TTC27: variants seen among roughly 807,000 people sequenced by gnomAD.
The protein encoded by TTC27 is tetratricopeptide repeat domain 27, also known as tetratricopeptide repeat protein 27.
A neutral mutation model predicts 115.9 loss-of-function variants in TTC27; 79 were observed. That is an observed-to-expected ratio of 0.68 (90% CI 0.57 to 0.82). The LOEUF is 0.82. TTC27 is among the 40% of genes least tolerant of loss of function. The probability of loss-of-function intolerance (pLI) is 0.00; values close to 1 mark genes in which losing one functional copy is unlikely to be tolerated. For missense variants in TTC27, 1,054 were observed against 993.1 expected, an observed-to-expected ratio of 1.06 and a Z score of -0.82; for synonymous variants, 401 against 356.0, an observed-to-expected ratio of 1.13 and a Z score of -1.42.
intron 8 of TTC27, among the ~76,000 whole-genome samples, chr2:32,672,958 G>T (rs1003761132): frequency 6.6e-6 from 1 of 152,084 alleles, no homozygotes; most frequent in Non-Finnish European, 1.5e-5. Context: ...ATTAATGTTG[G>T]TACTTTGCTA....
intron 12 of TTC27, among the ~76,000 whole-genome samples, chr2:32,751,015 CA>C (rs1355838474): frequency 6.6e-6 from 1 of 152,114 alleles, no homozygotes; most frequent in Non-Finnish European, 1.5e-5. Context: ...CAAGATAGGA[CA>C]AGCATACTTC....
intron 5 of TTC27, among the ~76,000 whole-genome samples, chr2:32,657,850 G>A (rs1472154762): frequency 2.0e-5 from 3 of 151,914 alleles, no homozygotes; most frequent in South Asian, 4.2e-4. Flanking sequence ...TTTTTGAGAT[G>A]GAGTTTCACT....
At chr2:32,692,189 G>A (rs969571392) in intron 9 of TTC27, among the ~76,000 whole-genome samples, 5 of 151,404 alleles carry the variant, frequency 3.3e-5, no homozygotes, top group Non-Finnish European at 7.4e-5. Flanking sequence ...CCATGAAAGC[G>A]GGGATTTTTG....
chr2:32,743,589 C>G (rs936291586), intron 12 of TTC27, among the ~76,000 whole-genome samples: 23 of 152,166 alleles, frequency 1.5e-4, no homozygotes, highest in African/African-American at 3.9e-4. Flanking sequence ...CTGAAATTCT[C>G]AGTTCTCAAC....
intron 13 of TTC27, among the ~76,000 whole-genome samples, chr2:32,763,699 TA>T (rs1558331509): frequency 6.6e-6 from 1 of 152,214 alleles, no homozygotes; most frequent in African/African-American, 2.4e-5. Context: ...CAAAACTAAA[TA>T]CATTGTCTAT....
intron 9 of TTC27, among the ~76,000 whole-genome samples, chr2:32,683,919 G>A (rs1214061163): frequency 6.6e-6 from 1 of 152,062 alleles, no homozygotes; most frequent in Non-Finnish European, 1.5e-5. Flanking sequence ...ACTTTGGGAG[G>A]CCAAGGTGGG....
chr2:32,778,800 A>C (rs1010842297), intron 14 of TTC27, among the ~76,000 whole-genome samples: 11 of 152,194 alleles, frequency 7.2e-5, no homozygotes, highest in Admixed American at 2.6e-4. Flanking sequence ...ACTACTATAA[A>C]CATTTGTTTA....
At chr2:32,813,060 A>T (rs1484788632) in intron 18 of TTC27, among the ~76,000 whole-genome samples, 1 of 152,224 alleles carries the variant, frequency 6.6e-6, no homozygotes. Flanking sequence ...TCTTTGGGAA[A>T]TGGTAGAGGA....
rs779845273 is a variant in TTC27, at chr2:32,640,266, T to G, written c.397-4T>G. 6.8e-6 allele frequency: 11 copies of G among 1,609,148 alleles called. No individual in the cohort carries two copies. The highest frequency in any genetic ancestry group is 8.5e-6 in the Non-Finnish European group (10 of 1,178,622). On this transcript the variant is annotated splice_polypyrimidine_tract_variant and splice_region_variant and intron_variant, in intron 3 of 19. Coordinates refer to ENST00000317907, the MANE Select transcript of TTC27 (RefSeq NM_017735.5). The stretch of plus-strand genomic sequence containing the variant: ...ATCATCTTAGTTTATAATCCTTTTT[T>G]CAGGTTAAAGGACTGGATGCATTTG...
chr2:32,639,042 C>T lies in TTC27; in HGVS notation c.397-1228C>T, dbSNP rs191568444. ...AGAGACAGGGTTTCACCGTGTTAGCCAGGATGGTCTTGATCTCCTGACCTC... is the reference window on the plus strand; with the variant it reads ...AGAGACAGGGTTTCACCGTGTTAGCTAGGATGGTCTTGATCTCCTGACCTC... On this transcript the variant is annotated intron_variant, in intron 3 of 19. Coordinates refer to ENST00000317907, the MANE Select transcript of TTC27 (RefSeq NM_017735.5). 5.3e-5 allele frequency among the ~76,000 whole-genome samples: 8 copies of T among 152,098 alleles called. No individual in the cohort carries two copies. In the East Asian group the frequency reaches 5.8e-4, roughly 11 times the overall value.
chr2:32,815,363 A>G (rs931667523), intron 18 of TTC27, among the ~76,000 whole-genome samples: 2 of 148,826 alleles, frequency 1.3e-5, no homozygotes, highest in Non-Finnish European at 1.5e-5. Flanking sequence ...CAGCCTCCCA[A>G]GCCAGCTGGG....
At chr2:32,692,832 C>G (rs570032149) in intron 9 of TTC27, among the ~76,000 whole-genome samples, 1 of 151,932 alleles carries the variant, frequency 6.6e-6, no homozygotes, top group African/African-American at 2.4e-5. Flanking sequence ...AAAAGTTAGC[C>G]AGGCGTCGTG....
chr2:32,741,678 A>G (rs1179588083), intron 12 of TTC27, among the ~76,000 whole-genome samples: 1 of 149,422 alleles, frequency 6.7e-6, no homozygotes, highest in African/African-American at 2.5e-5. Context: ...AACAACAACA[A>G]CAACAAAAAA....
chr2:32,658,575 A>G (rs780566527), intron 5 of TTC27, among the ~76,000 whole-genome samples: 25 of 152,232 alleles, frequency 1.6e-4, no homozygotes, highest in Non-Finnish European at 3.1e-4. Context: ...GAAAACTGTC[A>G]TCAGCCTTTG....
intron 16 of TTC27, among the ~76,000 whole-genome samples, chr2:32,799,149 G>A (rs1558350140): frequency 2.0e-5 from 3 of 152,164 alleles, no homozygotes; most frequent in Non-Finnish European, 2.9e-5. Flanking sequence ...AACAAATACT[G>A]TATGATTCCA....
chr2:32,739,058 T>C (rs939250128), intron 12 of TTC27, among the ~76,000 whole-genome samples: 4 of 152,224 alleles, frequency 2.6e-5, no homozygotes, highest in African/African-American at 7.2e-5. Context: ...TCAAATTTGA[T>C]GAAATATAGT....
intron 12 of TTC27, among the ~76,000 whole-genome samples, chr2:32,748,028 A>C (rs772821329): frequency 6.6e-6 from 1 of 150,764 alleles, no homozygotes; most frequent in Non-Finnish European, 1.5e-5. Flanking sequence ...TTCTTTTTCT[A>C]GTTACTTTTG....
chr2:32,651,403 A>C (rs190183913), intron 5 of TTC27, among the ~76,000 whole-genome samples: 1 of 152,182 alleles, frequency 6.6e-6, no homozygotes, highest in Non-Finnish European at 1.5e-5. Context: ...CTGGAGTGCA[A>C]TGGCGCAATC....
chr2:32,666,660 C>T lies in TTC27; in HGVS notation c.831C>T (p.Phe277=). 1 of 1,613,546 alleles carries T rather than the reference C, an allele frequency of 6.2e-7. No individual in the cohort carries two copies. Among genetic ancestry groups the T allele is most frequent in the Non-Finnish European group, 8.5e-7 (1 of 1,179,828 alleles). Residue 277 remains phenylalanine (F), a synonymous_variant, in exon 7 of 20, where the codon TTC becomes TTT. Transcript: ENST00000317907. ...GTGCTTTGGGAAAAAGAACACGGTT[C>T]CAGGAAAATTATGTGGCACAACTGA... The part of the protein sequence containing the change: ...LTGALGKRTR[F]QENYVAQLIL...
Sources: allele counts gnomAD v4.1 joint callset (sites outside exome capture counted in the v4.1 genomes callset), GRCh38; gene constraint gnomAD v4.1.1; transcripts MANE v1.5; gene names NCBI Gene and HGNC (gene_info 2026-07-23, HGNC 2026-07-21).